COBL: variants seen among roughly 807,000 people sequenced by gnomAD.
COBL encodes the protein protein cordon-bleu.
Under a neutral mutation model 98.8 loss-of-function variants are expected in COBL, and 51 were observed. That is an observed-to-expected ratio of 0.52 (90% CI 0.41 to 0.65). The LOEUF (loss-of-function observed/expected upper bound fraction) is 0.65, where lower values mean the gene tolerates loss of function less well. Among genes scored for constraint, COBL ranks in the 30% least tolerant of loss-of-function variants. The probability of loss-of-function intolerance (pLI) is 0.00; values close to 1 mark genes in which losing one functional copy is unlikely to be tolerated. For missense variants in COBL, 1,617 were observed against 1,617.5 expected (o/e 1.00, Z 0.01); for synonymous variants, 634 against 651.7 (o/e 0.97, Z 0.41).
chr7:51,179,706 C>T (rs1788748660), intron 5 of COBL, among the ~76,000 whole-genome samples: 2 of 152,068 alleles, frequency 1.3e-5, no homozygotes, highest in Non-Finnish European at 2.9e-5. Context: ...TGAAGAAGAT[C>T]ACAAAAAGCA....
chr7:51,202,105 A>T (rs1791184654), intron 2 of COBL, among the ~76,000 whole-genome samples: 1 of 152,180 alleles, frequency 6.6e-6, no homozygotes, highest in Non-Finnish European at 1.5e-5. Flanking sequence ...TTTACTTAAT[A>T]ATGGCCTCAG....
intron 1 of COBL, among the ~76,000 whole-genome samples, chr7:51,241,520 G>A (rs1246910677): frequency 3.9e-5 from 6 of 152,122 alleles, no homozygotes; most frequent in East Asian, 1.9e-4. Flanking sequence ...CACGATCACC[G>A]ATTAACATTT....
At chr7:51,176,799 AT>A (rs1788420177) in intron 5 of COBL, among the ~76,000 whole-genome samples, 1 of 152,102 alleles carries the variant, frequency 6.6e-6, no homozygotes, top group Admixed American at 6.5e-5. Context: ...TGAAATCTTT[AT>A]TTTTGTCTAT....
intron 6 of COBL, among the ~76,000 whole-genome samples, chr7:51,134,249 C>G: frequency 6.6e-6 from 1 of 152,230 alleles, no homozygotes; most frequent in East Asian, 1.9e-4. Context: ...ATGCTTAAAT[C>G]TAATCCATAT....
rs2129109033 is a variant in COBL, at chr7:51,234,150, C to G, written c.42-14206G>C. ...AGCTAAGTGTTGGGTACCTTTAATT[C>G]TCCGTTGAAAATATGACACTTGATC... On this transcript the variant is annotated intron_variant, in intron 1 of 12. Transcript: ENST00000265136. Among the ~76,000 whole-genome samples, 2 of 152,266 alleles carry G rather than the reference C, an allele frequency of 1.3e-5. 1 individual carries two copies. The highest frequency in any genetic ancestry group is 4.2e-4 in the South Asian group (2 of 4,818).
At chr7:51,113,388 A>G (rs553026139) in intron 6 of COBL, among the ~76,000 whole-genome samples, 62 of 152,366 alleles carry the variant, frequency 4.1e-4, no homozygotes, top group African/African-American at 1.3e-3. Context: ...TATTGTTTAT[A>G]AAGTGTCCAT....
intron 1 of COBL, among the ~76,000 whole-genome samples, chr7:51,220,907 C>T (rs898834854): frequency 2.0e-5 from 3 of 152,142 alleles, no homozygotes; most frequent in African/African-American, 7.2e-5. Flanking sequence ...TTATTTTATA[C>T]ATAGAATACA....
rs1312641430 is a variant in COBL at position 51,211,706 on chromosome 7, AAAGAAT to A, written c.245+8029_245+8034del. Among the ~76,000 whole-genome samples, 4 of 152,216 alleles carry A rather than the reference AAAGAAT, an allele frequency of 2.6e-5. No individual in the cohort carries two copies. In the East Asian group the frequency reaches 7.7e-4, roughly 29 times the overall value. ...CAGAATAGAGTTTCTCCAATTGTAC[AAAGAAT>A]AAAACTAAGACAATCAGACCCTCTC... is the stretch of plus-strand genomic sequence containing the variant. On this transcript the variant is annotated intron_variant, in intron 2 of 12. Coordinates refer to ENST00000265136, the MANE Select transcript of COBL (RefSeq NM_015198.5).
intron 1 of COBL, among the ~76,000 whole-genome samples, chr7:51,249,138 C>T (rs1796516253): frequency 6.6e-6 from 1 of 152,060 alleles, no homozygotes; most frequent in Non-Finnish European, 1.5e-5. Context: ...CTCAGAACTC[C>T]TGTGTATCAG....
In COBL at chr7:51,028,577, C is replaced by A. The variant is rs1027835971; in HGVS notation, c.2519G>T (p.Gly840Val). The A allele has an allele frequency of 7.4e-6, 12 of 1,614,080 alleles. No individual in the cohort carries two copies. The African/African-American group carries it at 1.3e-4, about 18-fold the overall frequency. Residue 840 changes from glycine to valine, a missense_variant, in exon 10 of 13, where the codon GGC becomes GTC. Around this residue, in one of 3 missense-constraint regions of COBL, gnomAD observed 1,304 missense variants for 1,282.0 expected, o/e 1.02. Transcript: ENST00000265136. ...TGCTGGCACCCTCACGTGACCCATG[C>A]CCATGGTGGGGGGCTGGTTTCTCCC... The part of the protein sequence containing the change: ...GEGRNQPPTM[G>V]MGHVRVPAAH...
At chr7:51,052,096 G>A (rs370816013) in intron 7 of COBL, among the ~76,000 whole-genome samples, 2 of 152,056 alleles carry the variant, frequency 1.3e-5, no homozygotes, top group East Asian at 1.9e-4. Flanking sequence ...GTGTTCAAAT[G>A]GATAATATTT....
intron 1 of COBL, among the ~76,000 whole-genome samples, chr7:51,231,533 C>A (rs1218642564): frequency 6.6e-6 from 1 of 152,210 alleles, no homozygotes. Context: ...ATGTGAGTCT[C>A]TGGATCGGGG....
At chr7:51,252,145 T>C (rs1176878872) in intron 1 of COBL, among the ~76,000 whole-genome samples, 1 of 152,194 alleles carries the variant, frequency 6.6e-6, no homozygotes, top group Non-Finnish European at 1.5e-5. Flanking sequence ...TTTAGAACAC[T>C]CTCCCCTGTG....
intron 8 of COBL, among the ~76,000 whole-genome samples, chr7:51,041,526 C>T (rs1268739897): frequency 6.9e-6 from 1 of 144,974 alleles, no homozygotes; most frequent in South Asian, 2.3e-4. Flanking sequence ...CTCTGTCACC[C>T]AGGCAGGAAT....
intron 7 of COBL, among the ~76,000 whole-genome samples, chr7:51,082,193 A>T (rs1246672165): frequency 6.6e-6 from 1 of 152,156 alleles, no homozygotes; most frequent in Non-Finnish European, 1.5e-5. Context: ...TCCTAACTAG[A>T]GGGCTGTGCA....
At chr7:51,255,309 C>T (rs2129141592) in intron 1 of COBL, among the ~76,000 whole-genome samples, 2 of 152,288 alleles carry the variant, frequency 1.3e-5, no homozygotes, top group South Asian at 4.1e-4. Flanking sequence ...ACAGTAACAT[C>T]CAACCCATTG....
rs1259857180 is a variant in COBL, at chr7:51,071,895, A to G, written c.1096+13271T>C. Reference sequence around the variant, plus strand: ...GTCAAATGACTGCTACTTATCAGACAAAAGTCCTTTATTTCAAAAAAAAAA... The same window carrying G: ...GTCAAATGACTGCTACTTATCAGACGAAAGTCCTTTATTTCAAAAAAAAAA... On this transcript the variant is annotated intron_variant, in intron 7 of 12. Transcript: ENST00000265136. The G allele has an allele frequency of 3.6e-5, 5 of 139,360 alleles. No homozygotes were observed. The East Asian group carries it at 1.2e-3, about 33-fold the overall frequency. The allele number at this position is 139,360 out of a possible 1,614,324, so 8.6% of individuals were successfully genotyped here.
At chr7:51,083,740 A>G (rs565293170) in intron 7 of COBL, among the ~76,000 whole-genome samples, 2 of 152,276 alleles carry the variant, frequency 1.3e-5, no homozygotes, top group African/African-American at 4.8e-5. Context: ...GTTGTTTAGA[A>G]TAATAGTTCT....
At chr7:51,063,386 C>T (rs553740954) in intron 7 of COBL, among the ~76,000 whole-genome samples, 2 of 152,316 alleles carry the variant, frequency 1.3e-5, no homozygotes, top group South Asian at 2.1e-4. Context: ...CCGCCTGCCT[C>T]GGCCTCCCAA....
Sources: gnomAD v4.1 joint callset for allele counts (sites outside exome capture counted in the v4.1 genomes callset) on GRCh38, gnomAD v4.1.1 for gene constraint, gnomAD v4.1.1 regional missense constraint, MANE v1.5 for transcripts, NCBI Gene and HGNC (gene_info 2026-07-23, HGNC 2026-07-21) for gene names.